The following KCNIP1 variants were observed in gnomAD, a reference collection of about 807,000 sequenced individuals.
The protein encoded by KCNIP1 is potassium voltage-gated channel interacting protein 1.
KCNIP1 carries 18 observed loss-of-function variants against 33.0 expected under a neutral mutation model. That is an observed-to-expected ratio of 0.55 (90% confidence interval 0.38 to 0.81). KCNIP1 has a LOEUF of 0.81. KCNIP1 is among the 30% of genes least tolerant of loss of function. KCNIP1 has a pLI of 0.00. For missense variants in KCNIP1, 238 were observed against 271.6 expected, an observed-to-expected ratio of 0.88 and a Z score of 0.87; for synonymous variants, 93 against 98.3, an observed-to-expected ratio of 0.95 and a Z score of 0.32.
intron 1 of KCNIP1, among the ~76,000 whole-genome samples, chr5:170,629,047 G>GTCC (rs763027502): frequency 6.6e-6 from 1 of 152,148 alleles, no homozygotes; most frequent in Non-Finnish European, 1.5e-5. Context: ...AAATCATTCT[G>GTCC]TCCTCCCGCC....
chr5:170,690,023 T>C (rs760994117), intron 1 of KCNIP1, among the ~76,000 whole-genome samples: 1 of 152,180 alleles, frequency 6.6e-6, no homozygotes, highest in Non-Finnish European at 1.5e-5. Context: ...AAAGGGGAGA[T>C]GGGAGGAGGA....
Position 170,669,252 on chromosome 5 carries a change from G to A in KCNIP1, c.62-49506G>A, listed in dbSNP as rs147488659. Among the ~76,000 whole-genome samples the A allele has an allele frequency of 2.0e-3, 299 of 152,332 alleles. 1 individual carries two copies. Among genetic ancestry groups the A allele is most frequent in the African/African-American group, 6.8e-3 (281 of 41,584 alleles). On this transcript the variant is annotated intron_variant, in intron 1 of 7. Transcript: ENST00000328939. Reference sequence around the variant, plus strand: ...TCAGCAGTGTAAAGCAGGAAGACATGCTGTCAATATGATTTAGGGCAAGTT... The same window carrying A: ...TCAGCAGTGTAAAGCAGGAAGACATACTGTCAATATGATTTAGGGCAAGTT...
intron 1 of KCNIP1, among the ~76,000 whole-genome samples, chr5:170,477,293 G>A (rs1247022304): frequency 1.3e-5 from 2 of 150,822 alleles, no homozygotes; most frequent in African/African-American, 4.9e-5. Flanking sequence ...CTGGGGATGT[G>A]TGTGTATATA....
At chr5:170,497,086 GCAT>G (rs1424924838) in intron 1 of KCNIP1, among the ~76,000 whole-genome samples, 1 of 152,172 alleles carries the variant, frequency 6.6e-6, no homozygotes, top group Non-Finnish European at 1.5e-5. Context: ...AATGCAGGGA[GCAT>G]CAACCTCTGC....
chr5:170,622,408 G>A (rs1256898895), intron 1 of KCNIP1, among the ~76,000 whole-genome samples: 1 of 151,992 alleles, frequency 6.6e-6, no homozygotes, highest in Non-Finnish European at 1.5e-5. Context: ...GATCACTTGA[G>A]GTTAGGAGTT....
intron 1 of KCNIP1, among the ~76,000 whole-genome samples, chr5:170,456,155 T>C (rs1484751552): frequency 2.6e-5 from 4 of 152,212 alleles, no homozygotes; most frequent in African/African-American, 4.8e-5. Flanking sequence ...TTATGTCCTT[T>C]GCAGGGACAT....
intron 1 of KCNIP1, among the ~76,000 whole-genome samples, chr5:170,388,814 C>G (rs2113355275): frequency 6.6e-6 from 1 of 152,286 alleles, no homozygotes; most frequent in Admixed American, 6.5e-5. Context: ...AGATCAAATG[C>G]CATATTGAGT....
intron 1 of KCNIP1, among the ~76,000 whole-genome samples, chr5:170,617,965 G>T (rs1759453703): frequency 6.6e-6 from 1 of 152,192 alleles, no homozygotes; most frequent in Non-Finnish European, 1.5e-5. Flanking sequence ...GTCTTACAGG[G>T]AATAGTCTGT....
chr5:170,390,517 A>AAAAAAAAAAAAAAAAATAT, intron 1 of KCNIP1, among the ~76,000 whole-genome samples: 6 of 74,546 alleles, frequency 8.0e-5, no homozygotes, highest in African/African-American at 3.9e-4. Context: ...AAAAAAAACA[A>AAAAAAAAAAAAAAAAATAT]ATATATATAT....
At chr5:170,373,187 C>T (rs1763893294) in intron 1 of KCNIP1, among the ~76,000 whole-genome samples, 1 of 152,146 alleles carries the variant, frequency 6.6e-6, no homozygotes, top group Non-Finnish European at 1.5e-5. Context: ...TGAGAAAGAA[C>T]CAGGAAAGCA....
At chr5:170,609,247 G>A (rs1386310451) in intron 1 of KCNIP1, among the ~76,000 whole-genome samples, 3 of 152,142 alleles carry the variant, frequency 2.0e-5, no homozygotes, top group African/African-American at 7.2e-5. Flanking sequence ...TGACTGTCCT[G>A]AGGCTATTTA....
At chr5:170,480,033 A>G (rs996139295) in intron 1 of KCNIP1, among the ~76,000 whole-genome samples, 4 of 152,244 alleles carry the variant, frequency 2.6e-5, no homozygotes, top group Middle Eastern at 3.2e-3. Flanking sequence ...TAAATGTTTC[A>G]AACACCTAAA....
At chr5:170,408,064 G>T (rs1755084069) in intron 1 of KCNIP1, among the ~76,000 whole-genome samples, 2 of 152,186 alleles carry the variant, frequency 1.3e-5, no homozygotes, top group South Asian at 4.1e-4. Flanking sequence ...ACAGATTAAG[G>T]GTGGTAATAT....
intron 1 of KCNIP1, among the ~76,000 whole-genome samples, chr5:170,605,213 C>T (rs1758859933): frequency 6.6e-6 from 1 of 152,186 alleles, no homozygotes; most frequent in South Asian, 2.1e-4. Context: ...TCATGTGCCC[C>T]GACCTCCCAT....
intron 1 of KCNIP1, among the ~76,000 whole-genome samples, chr5:170,570,530 C>G (rs115940911): frequency 0.017 from 2,594 of 152,298 alleles, 84 homozygotes; most frequent in African/African-American, 0.059. Flanking sequence ...CTGCCTTGCT[C>G]TCACCCCTTG....
chr5:170,467,874 C>T (rs912216059), intron 1 of KCNIP1, among the ~76,000 whole-genome samples: 7 of 142,438 alleles, frequency 4.9e-5, no homozygotes, highest in East Asian at 2.1e-4. Context: ...GCTGAGATCA[C>T]GCCATTGCAC....
At chr5:170,507,712 T>A (rs550088895) in intron 1 of KCNIP1, among the ~76,000 whole-genome samples, 19 of 152,352 alleles carry the variant, frequency 1.2e-4, no homozygotes, top group African/African-American at 4.6e-4. Context: ...GCAAAAACTC[T>A]GCATGATTAG....
chr5:170,600,679 G>A (rs1242543942), intron 1 of KCNIP1, among the ~76,000 whole-genome samples: 1 of 152,148 alleles, frequency 6.6e-6, no homozygotes, highest in Non-Finnish European at 1.5e-5. Context: ...GCCTAGCTTG[G>A]TCCCTGCATT....
chr5:170,507,592 C>A (rs1163360475), intron 1 of KCNIP1, among the ~76,000 whole-genome samples: 1 of 152,220 alleles, frequency 6.6e-6, no homozygotes, highest in South Asian at 2.1e-4. Flanking sequence ...TGCTTCAACC[C>A]TCACTGACCT....
Sources: gnomAD v4.1 joint callset for allele counts (sites outside exome capture counted in the v4.1 genomes callset) on GRCh38, gnomAD v4.1.1 for gene constraint, MANE v1.5 for transcripts, NCBI Gene and HGNC (gene_info 2026-07-23, HGNC 2026-07-21) for gene names.